The following ANAPC5 variants were observed in gnomAD, a reference collection of about 807,000 sequenced individuals.
The protein encoded by ANAPC5 is anaphase-promoting complex subunit 5.
Under a neutral mutation model 91.3 loss-of-function variants are expected in ANAPC5, and 60 were observed. The ratio of observed to expected loss-of-function variants is 0.66; its 90% confidence interval spans 0.53 to 0.81. The LOEUF is 0.81. ANAPC5 is among the 40% of genes least tolerant of loss of function. The pLI, the probability that ANAPC5 is intolerant of heterozygous loss-of-function variation, is 0.00. For missense variants in ANAPC5, 690 were observed against 931.5 expected, an observed-to-expected ratio of 0.74 and a Z score of 3.37; for synonymous variants, 340 against 364.1, an observed-to-expected ratio of 0.93 and a Z score of 0.75.
rs1903642811 is a variant in ANAPC5, at chr12:121,345,755, G to C, written c.590+84C>G. ...GTAAAAAGGGCATAAGCCAGCACGT[G>C]AATTCTAAATGAACAAGGACTTATT... On this transcript the variant is annotated intron_variant, in intron 4 of 16. Transcript: ENST00000261819. 3 of 1,382,942 alleles carry C rather than the reference G, an allele frequency of 2.2e-6. No individual in the cohort carries two copies. The East Asian group carries it at 6.9e-5, about 32-fold the overall frequency. The allele number at this position is 1,382,942 out of a possible 1,614,324, so 85.7% of individuals were successfully genotyped here. A position where few individuals can be genotyped will look rare whatever the true frequency, so the allele number is the denominator to read the frequency against.
chr12:121,328,042 G>C (rs983590555), intron 10 of ANAPC5: 2 of 352,814 alleles, frequency 5.7e-6, no homozygotes, highest in Non-Finnish European at 1.0e-5. Context: ...GGGTAGATCA[G>C]ATGTGTGAAC....
Position 121,331,385 on chromosome 12 carries a change from G to A in ANAPC5, c.994C>T (p.Gln332Ter), listed in dbSNP as rs1183031674. Residue 332 changes from glutamine to a stop codon, truncating the protein, a stop_gained, in exon 8 of 17, where the codon CAG (glutamine) becomes TAG (stop). Transcript: ENST00000261819. LOFTEE classifies it high-confidence loss of function. The stretch of plus-strand genomic sequence containing the variant: ...AGACACACGTGATCGTTGGACTCCT[G>A]GGCAATCCTAATTGCCTCCTGCAGG... Reference protein sequence around the residue: ...LALQEAIRIAQESNDHVCLQH... With the variant: ...LALQEAIRIA 1.2e-6 allele frequency: 2 copies of A among 1,609,204 alleles called. No homozygotes were observed. Among genetic ancestry groups the A allele is most frequent in the Non-Finnish European group, 1.7e-6 (2 of 1,175,974 alleles).
At chr12:121,324,112 C>T (rs1566184678) in intron 11 of ANAPC5, among the ~76,000 whole-genome samples, 1 of 152,112 alleles carries the variant, frequency 6.6e-6, no homozygotes, top group Non-Finnish European at 1.5e-5. Flanking sequence ...ACAACGTGCA[C>T]CATCCAATTT....
intron 1 of ANAPC5, among the ~76,000 whole-genome samples, chr12:121,348,313 G>C (rs985714545): frequency 1.3e-5 from 2 of 152,218 alleles, no homozygotes; most frequent in Non-Finnish European, 2.9e-5. Flanking sequence ...AATCTCATTT[G>C]ATCTTCTCCC....
At chr12:121,314,564 G>T (rs1171828125) in intron 15 of ANAPC5, among the ~76,000 whole-genome samples, 1 of 151,700 alleles carries the variant, frequency 6.6e-6, no homozygotes, top group African/African-American at 2.4e-5. Flanking sequence ...CAGCTAGCAT[G>T]ATATTTGATG....
upstream of ANAPC5, among the ~76,000 whole-genome samples, chr12:121,353,649 C>G (rs1349480374): frequency 6.6e-6 from 1 of 151,884 alleles, no homozygotes; most frequent in East Asian, 1.9e-4. Flanking sequence ...ACCGTGTTAG[C>G]CAGGATGGTC....
chr12:121,328,920 G>A (rs1216875885), intron 9 of ANAPC5: 1 of 154,246 alleles, frequency 6.5e-6, no homozygotes, highest in Non-Finnish European at 1.4e-5. Context: ...ATATGTAATA[G>A]GAGATCAAAA....
intron 4 of ANAPC5, among the ~76,000 whole-genome samples, chr12:121,344,218 T>G (rs1384468211): frequency 6.6e-6 from 1 of 152,118 alleles, no homozygotes. Flanking sequence ...GGGAAACAGA[T>G]AAGCAAGCAA....
In ANAPC5 at chr12:121,335,516, A is replaced by G. The variant is rs1593595020; in HGVS notation, c.950+17T>C. ...GGTTCCTTCAATTTGCGCAAGGACA[A>G]AGGTCTATAAACTTACTAGTGACCG... On this transcript the variant is annotated intron_variant, in intron 7 of 16. Coordinates refer to ENST00000261819, the MANE Select transcript of ANAPC5 (RefSeq NM_016237.5). 3 of 1,576,998 alleles carry G rather than the reference A, an allele frequency of 1.9e-6. No individual in the cohort carries two copies. The highest frequency in any genetic ancestry group is 2.3e-5 in the East Asian group (1 of 44,142).
intron 5 of ANAPC5, among the ~76,000 whole-genome samples, chr12:121,337,670 C>G (rs1903298259): frequency 6.6e-6 from 1 of 152,148 alleles, no homozygotes; most frequent in Non-Finnish European, 1.5e-5. Flanking sequence ...CTACCCAAAG[C>G]TGAGCAAACC....
In ANAPC5 at chr12:121,323,815, GTC is replaced by G. The variant is rs1362357487; in HGVS notation, c.1440+3279_1440+3280del. ...TTATTCCTGTGATTTTAACTGGCCA[GTC>G]TCACCAATTATTTTCATGACCGCCA... is the stretch of plus-strand genomic sequence containing the variant. On this transcript the variant is annotated intron_variant, in intron 11 of 16. Coordinates refer to ENST00000261819, the MANE Select transcript of ANAPC5 (RefSeq NM_016237.5). Among the ~76,000 whole-genome samples, 5 of 152,256 alleles carry G rather than the reference GTC, an allele frequency of 3.3e-5. No homozygotes were observed. In the East Asian group the frequency reaches 7.7e-4, roughly 24 times the overall value.
chr12:121,341,682 T>C (rs1379738338), intron 5 of ANAPC5, among the ~76,000 whole-genome samples: 3 of 152,250 alleles, frequency 2.0e-5, no homozygotes, highest in Admixed American at 6.5e-5. Context: ...TTTCAGGCTC[T>C]CTTTATGTTT....
In ANAPC5 at chr12:121,319,707, C is replaced by T. The variant is rs1285957491; in HGVS notation, c.1627G>A (p.Gly543Ser). 6.2e-6 allele frequency: 10 copies of T among 1,608,172 alleles called. No homozygotes were observed. The highest frequency in any genetic ancestry group is 7.6e-6 in the Non-Finnish European group (9 of 1,178,256). ...TTCAAGGTTTCTTACCTATAAACACCCTCTATGCTATTGAGAGCTGTGATT... is the reference window on the plus strand; with the variant it reads ...TTCAAGGTTTCTTACCTATAAACACTCTCTATGCTATTGAGAGCTGTGATT... ...TGITALNSIEGVYRKAVVLQA... is the reference protein window; with the variant it reads ...TGITALNSIESVYRKAVVLQA... The change falls in exon 13 of 17, where the codon GGT becomes AGT. Residue 543 changes from glycine (G) to serine (S), a missense_variant. Coordinates refer to ENST00000261819, the MANE Select transcript of ANAPC5 (RefSeq NM_016237.5).
chr12:121,314,149 CCCAGTACCT>C (rs1347847275), intron 15 of ANAPC5, among the ~76,000 whole-genome samples: 1 of 152,178 alleles, frequency 6.6e-6, no homozygotes, highest in Non-Finnish European at 1.5e-5. Flanking sequence ...CGCCTGTAAT[CCCAGTACCT>C]TGGGAGGCAG....
rs1902451729 is a variant in ANAPC5, at chr12:121,318,316, G to C, written c.1854C>G (p.Tyr618Ter). ...AGTTCAGCACTGTTTCAGAGGCCAA[G>C]TACTGTAACCGGTACTCCTTGGAGA... Reference protein sequence around the residue: ...LALSKEYRLQYLASETVLNLA... With the variant: ...LALSKEYRLQ Residue 618 changes from tyrosine (Y) to a stop codon, truncating the protein, a stop_gained, in exon 15 of 17, where the codon TAC becomes TAG. Transcript: ENST00000261819. LOFTEE classifies it high-confidence loss of function. 1 of 1,585,812 alleles carries C rather than the reference G, an allele frequency of 6.3e-7. No individual in the cohort carries two copies. The highest frequency in any genetic ancestry group is 8.6e-7 in the Non-Finnish European group (1 of 1,169,372).
chr12:121,341,145 A>G (rs183182366), intron 5 of ANAPC5, among the ~76,000 whole-genome samples: 2 of 151,108 alleles, frequency 1.3e-5, no homozygotes, highest in African/African-American at 2.4e-5. Flanking sequence ...CCTCAGTGAC[A>G]GAGTGAGACT....
chr12:121,318,695 T>A, intron 13 of ANAPC5, 87 bp from the exon 14 acceptor site: 7 of 1,193,904 alleles, frequency 5.9e-6, no homozygotes, highest in South Asian at 4.0e-5. Flanking sequence ...GCTATAAACC[T>A]CCCAAGGGAA....
At chr12:121,318,120 C>T in intron 15 of ANAPC5, 157 bp downstream of exon 15, 1 of 857,154 alleles carries the variant, frequency 1.2e-6, no homozygotes, top group Non-Finnish European at 1.6e-6. Context: ...CACACCTCCA[C>T]AGGCCTCCTT....
intron 10 of ANAPC5, 178 bp downstream of exon 10, chr12:121,328,138 A>G (rs1902893557): frequency 1.7e-6 from 1 of 590,600 alleles, no homozygotes; most frequent in African/African-American, 1.9e-5. Context: ...TGCATGGGAA[A>G]AAAGTTTTCA....
Sources: allele counts gnomAD v4.1 joint callset (sites outside exome capture counted in the v4.1 genomes callset), GRCh38; gene constraint gnomAD v4.1.1; transcripts MANE v1.5; gene names NCBI Gene and HGNC (gene_info 2026-07-23, HGNC 2026-07-21).